Variants in TAF3 observed in about 807,000 individuals in gnomAD.
The protein encoded by TAF3 is transcription initiation factor TFIID subunit 3.
Under a neutral mutation model 80.6 loss-of-function variants are expected in TAF3, and 7 were observed. That is an observed-to-expected ratio of 0.09 (90% CI 0.05 to 0.16). TAF3 has a LOEUF of 0.16. Among genes scored for constraint, TAF3 ranks in the 10% least tolerant of loss-of-function variants. The pLI is 1.00. For synonymous variants in TAF3, 444 were observed against 446.1 expected, an observed-to-expected ratio of 1.00 and a Z score of 0.06; for missense variants, 921 against 1,140.2, an observed-to-expected ratio of 0.81 and a Z score of 2.77.
chr10:7,910,215 C>T (rs1474714594), intron 2 of TAF3, among the ~76,000 whole-genome samples: 2 of 152,098 alleles, frequency 1.3e-5, no homozygotes, highest in East Asian at 3.9e-4. Flanking sequence ...TTATACTGAG[C>T]ACTTAGTATT....
At chr10:7,864,359 A>G (rs1837188362) in intron 2 of TAF3, among the ~76,000 whole-genome samples, 1 of 152,214 alleles carries the variant, frequency 6.6e-6, no homozygotes, top group South Asian at 2.1e-4. Flanking sequence ...ACAACATGGC[A>G]TTTTGAAGTA....
chr10:7,967,712 T>G (rs931875346), intron 3 of TAF3, among the ~76,000 whole-genome samples: 1 of 152,360 alleles, frequency 6.6e-6, no homozygotes, highest in Middle Eastern at 3.4e-3. Flanking sequence ...GTGTGCTTAG[T>G]ACCGTATCTG....
chr10:7,994,986 A>G (rs890001916), intron 4 of TAF3, among the ~76,000 whole-genome samples: 5 of 151,124 alleles, frequency 3.3e-5, no homozygotes, highest in African/African-American at 7.3e-5. Flanking sequence ...AGAAAAAAAA[A>G]AAAAAAAAAG....
At chr10:7,925,481 A>G (rs781320594) in intron 2 of TAF3, among the ~76,000 whole-genome samples, 55 of 152,202 alleles carry the variant, frequency 3.6e-4, no homozygotes, top group Non-Finnish European at 6.5e-4. Flanking sequence ...TTGATTATTT[A>G]TAACAAACTT....
chr10:7,905,708 C>T (rs1368404704), intron 2 of TAF3, among the ~76,000 whole-genome samples: 4 of 151,960 alleles, frequency 2.6e-5, no homozygotes, highest in Non-Finnish European at 5.9e-5. Context: ...AGTGAAACCC[C>T]GTCTCTACTA....
chr10:7,947,089 T>C (rs942740781), intron 2 of TAF3, among the ~76,000 whole-genome samples: 14 of 152,188 alleles, frequency 9.2e-5, no homozygotes, highest in African/African-American at 2.4e-4. Context: ...TACTTGCTTA[T>C]ACTTTCTCTT....
chr10:7,885,805 C>T (rs1487034411), intron 2 of TAF3, among the ~76,000 whole-genome samples: 1 of 152,218 alleles, frequency 6.6e-6, no homozygotes, highest in Non-Finnish European at 1.5e-5. Flanking sequence ...TAAATGGAGG[C>T]TCCTTGAGCT....
intron 4 of TAF3, among the ~76,000 whole-genome samples, chr10:8,004,468 A>G (rs1831973365): frequency 6.7e-6 from 1 of 149,234 alleles, no homozygotes; most frequent in African/African-American, 2.5e-5. Flanking sequence ...TTGCTTTAGA[A>G]TTTTTTTTTT....
chr10:7,828,823 C>G (rs956783976), intron 2 of TAF3, among the ~76,000 whole-genome samples: 4 of 151,922 alleles, frequency 2.6e-5, no homozygotes, highest in African/African-American at 9.7e-5. Context: ...CACTTGAGGT[C>G]AGGAGTTCAA....
At chr10:7,822,243 TA>T (rs5783000) in intron 1 of TAF3, among the ~76,000 whole-genome samples, 56,716 of 136,610 alleles carry the variant, frequency 0.42, 11,387 homozygotes, top group South Asian at 0.54. Flanking sequence ...AAATCATGGT[TA>T]AAAAAAAAAA....
chr10:7,920,630 C>T (rs980574557), intron 2 of TAF3, among the ~76,000 whole-genome samples: 3 of 151,942 alleles, frequency 2.0e-5, no homozygotes, highest in Non-Finnish European at 4.4e-5. Flanking sequence ...GATATAAATC[C>T]CTTATCTTTA....
intron 2 of TAF3, among the ~76,000 whole-genome samples, chr10:7,935,997 G>A (rs1837916062): frequency 6.6e-6 from 1 of 152,186 alleles, no homozygotes; most frequent in African/African-American, 2.4e-5. Flanking sequence ...GGCTCACGGA[G>A]GGAAGCAGCA....
At chr10:7,847,454 C>CT (rs973010473) in intron 2 of TAF3, among the ~76,000 whole-genome samples, 23 of 152,102 alleles carry the variant, frequency 1.5e-4, no homozygotes, top group African/African-American at 2.6e-4. Context: ...TGTTTAAATT[C>CT]TTTTTTTTAA....
chr10:7,955,432 G>T (rs1461132670), intron 2 of TAF3, among the ~76,000 whole-genome samples: 10 of 152,182 alleles, frequency 6.6e-5, no homozygotes, highest in Non-Finnish European at 1.2e-4. Flanking sequence ...TTTAATTTTT[G>T]ATGAAATATA....
chr10:7,902,576 T>C (rs996149264), intron 2 of TAF3, among the ~76,000 whole-genome samples: 2 of 152,178 alleles, frequency 1.3e-5, no homozygotes, highest in Admixed American at 1.3e-4. Context: ...CTTTTCAGTG[T>C]GTTACATCAG....
Position 7,850,566 on chromosome 10 carries a change from C to G in TAF3, c.409+26006C>G, listed in dbSNP as rs868555891. On this transcript the variant is annotated intron_variant, in intron 2 of 6. Transcript: ENST00000344293. ...TGGCACATGCATGTAATCCCAGCTG[C>G]TTGGAAGGCTGAGGCATGAGAATTG... is the stretch of plus-strand genomic sequence containing the variant. Among the ~76,000 whole-genome samples the G allele has an allele frequency of 1.5e-4, 23 of 151,944 alleles. No individual in the cohort carries two copies. In the South Asian group the frequency reaches 2.5e-3, roughly 16 times the overall value.
chr10:7,951,556 A>T (rs1838082520), intron 2 of TAF3, among the ~76,000 whole-genome samples: 1 of 152,192 alleles, frequency 6.6e-6, no homozygotes, highest in South Asian at 2.1e-4. Context: ...TGCTTCTGTC[A>T]CATTTGCCCA....
At chr10:7,856,075 A>T (rs1338193183) in intron 2 of TAF3, among the ~76,000 whole-genome samples, 3 of 152,270 alleles carry the variant, frequency 2.0e-5, no homozygotes, top group African/African-American at 7.2e-5. Flanking sequence ...CCACAGAAGC[A>T]GCATTCCAGG....
chr10:7,877,051 G>T, intron 2 of TAF3, among the ~76,000 whole-genome samples: 1 of 149,412 alleles, frequency 6.7e-6, no homozygotes. Context: ...TCCTAATGGA[G>T]ATTCCACGTC....
Sources: gnomAD v4.1 joint callset for allele counts (sites outside exome capture counted in the v4.1 genomes callset) on GRCh38, gnomAD v4.1.1 for gene constraint, MANE v1.5 for transcripts, NCBI Gene and HGNC (gene_info 2026-07-23, HGNC 2026-07-21) for gene names.